SEMA5A: variants seen among roughly 807,000 people sequenced by gnomAD.
SEMA5A encodes semaphorin 5A, also known as semaphorin-5A.
Under a neutral mutation model 135.5 loss-of-function variants are expected in SEMA5A, and 55 were observed. That is an observed-to-expected ratio of 0.41 (90% CI 0.33 to 0.51). SEMA5A has a LOEUF of 0.51. SEMA5A is among the 20% of genes least tolerant of loss of function. The pLI is 0.37. For missense variants in SEMA5A, 1,290 were observed against 1,419.9 expected (o/e 0.91, Z 1.47); for synonymous variants, 580 against 546.5 (o/e 1.06, Z -0.85).
At chr5:9,046,643 C>T (rs1282747285) in intron 21 of SEMA5A, among the ~76,000 whole-genome samples, 1 of 152,192 alleles carries the variant, frequency 6.6e-6, no homozygotes, top group African/African-American at 2.4e-5. Context: ...CCATCAAGGC[C>T]TCACCTGTGA....
At chr5:9,134,541 CCACAAA>C (rs1174631759) in intron 13 of SEMA5A, among the ~76,000 whole-genome samples, 1 of 152,198 alleles carries the variant, frequency 6.6e-6, no homozygotes, top group Non-Finnish European at 1.5e-5. Context: ...GAACTCCAGC[CCACAAA>C]CACTAGAGCA....
chr5:9,051,934 G>A lies in SEMA5A; in HGVS notation c.2784C>T (p.Ser928=). The part of the protein sequence containing the change: ...RQCILLFPMG[S]QCSGNTTESR... The stretch of plus-strand genomic sequence containing the variant: ...TCTCCGTGGTGTTCCCGGAGCACTG[G>A]CTGCCCATGGGGAACAGGAGGATGC... The change falls in exon 20 of 23, where the codon AGC becomes AGT. Residue 928 remains serine (S), a synonymous_variant. Transcript: ENST00000382496. 1 of 1,614,156 alleles carries A rather than the reference G, an allele frequency of 6.2e-7. No homozygotes were observed. The highest frequency in any genetic ancestry group is 8.5e-7 in the Non-Finnish European group (1 of 1,180,040).
intron 12 of SEMA5A, among the ~76,000 whole-genome samples, chr5:9,144,247 A>G (rs1742211655): frequency 6.6e-6 from 1 of 152,198 alleles, no homozygotes; most frequent in African/African-American, 2.4e-5. Flanking sequence ...CTTATTTGCT[A>G]TATAACATGT....
chr5:9,530,548 A>G (rs992917853), intron 1 of SEMA5A, among the ~76,000 whole-genome samples: 2 of 152,220 alleles, frequency 1.3e-5, no homozygotes, highest in African/African-American at 4.8e-5. Flanking sequence ...TTTCAGGTTT[A>G]CATAAAAGGA....
chr5:9,286,313 C>T (rs1403421127), intron 5 of SEMA5A, among the ~76,000 whole-genome samples: 3 of 152,090 alleles, frequency 2.0e-5, no homozygotes, highest in African/African-American at 7.2e-5. Context: ...AACATAAAGG[C>T]AAATTTTCAA....
chr5:9,337,916 G>T, intron 3 of SEMA5A, 104 bp from the exon 4 acceptor site: 1 of 750,036 alleles, frequency 1.3e-6, no homozygotes, highest in Non-Finnish European at 2.1e-6. Context: ...TTTCAGAGAG[G>T]ATTCGGAGGT....
At chr5:9,047,087 C>G (rs1243087906) in intron 21 of SEMA5A, among the ~76,000 whole-genome samples, 1 of 152,194 alleles carries the variant, frequency 6.6e-6, no homozygotes, top group Non-Finnish European at 1.5e-5. Flanking sequence ...GGGACTTTAA[C>G]TGTAACAATG....
intron 11 of SEMA5A, among the ~76,000 whole-genome samples, chr5:9,155,672 T>C (rs1018768828): frequency 3.9e-5 from 6 of 152,242 alleles, no homozygotes; most frequent in South Asian, 2.1e-4. Context: ...ACACAGAAAA[T>C]GAGTTTAAGG....
intron 3 of SEMA5A, among the ~76,000 whole-genome samples, chr5:9,348,002 A>G (rs2150743488): frequency 6.6e-6 from 1 of 152,294 alleles, no homozygotes; most frequent in East Asian, 1.9e-4. Flanking sequence ...TTCAGGCCAT[A>G]CCACAAATAA....
intron 3 of SEMA5A, among the ~76,000 whole-genome samples, chr5:9,349,256 T>G (rs1475344020): frequency 6.6e-6 from 1 of 152,186 alleles, no homozygotes; most frequent in Non-Finnish European, 1.5e-5. Context: ...CCAGGAACTT[T>G]AGGGTTAAGC....
In SEMA5A at chr5:9,424,975, T is replaced by G. The variant is rs1230129549; in HGVS notation, c.-78+12781A>C. Among the ~76,000 whole-genome samples, 3 of 152,220 alleles carry G rather than the reference T, an allele frequency of 2.0e-5. No homozygotes were observed. In the East Asian group the frequency reaches 5.8e-4, roughly 29 times the overall value. Reference sequence around the variant, plus strand: ...GTGACCTTGATAATATAACCGACAATTTGGAAACGTAAATAACTCATATCC... The same window carrying G: ...GTGACCTTGATAATATAACCGACAAGTTGGAAACGTAAATAACTCATATCC... On this transcript the variant is annotated intron_variant, in intron 2 of 22. Coordinates refer to ENST00000382496, the MANE Select transcript of SEMA5A (RefSeq NM_003966.3).
At chr5:9,193,818 A>T (rs896499018) in intron 10 of SEMA5A, among the ~76,000 whole-genome samples, 1 of 152,082 alleles carries the variant, frequency 6.6e-6, no homozygotes, top group Admixed American at 6.5e-5. Flanking sequence ...AATTGCTTGA[A>T]CCCAGGAGGT....
chr5:9,091,910 A>T (rs1375719856), intron 16 of SEMA5A, among the ~76,000 whole-genome samples: 9 of 152,130 alleles, frequency 5.9e-5, no homozygotes, highest in Admixed American at 5.9e-4. Flanking sequence ...AGAAAACCCA[A>T]ATGATGGCAT....
chr5:9,544,565 T>G (rs1319222), intron 1 of SEMA5A, among the ~76,000 whole-genome samples: 50,269 of 151,626 alleles, frequency 0.33, 8,851 homozygotes, highest in Middle Eastern at 0.47. Flanking sequence ...TTCTGCTGTT[T>G]GTTGCCTGGG....
At chr5:9,181,736 A>G (rs1277024705) in intron 11 of SEMA5A, among the ~76,000 whole-genome samples, 1 of 152,010 alleles carries the variant, frequency 6.6e-6, no homozygotes, top group African/African-American at 2.4e-5. Flanking sequence ...GGAGATGGAG[A>G]GGGGGGACTA....
intron 5 of SEMA5A, among the ~76,000 whole-genome samples, chr5:9,258,072 G>GT (rs1320327992): frequency 2.0e-5 from 3 of 152,154 alleles, no homozygotes; most frequent in Non-Finnish European, 4.4e-5. Flanking sequence ...ATACTGAAAA[G>GT]TCGCTGAGAA....
At chr5:9,190,175 CTTGAAA>C in intron 11 of SEMA5A, 86 bp downstream of exon 11, 1 of 1,375,994 alleles carries the variant, frequency 7.3e-7, no homozygotes, top group Non-Finnish European at 1.0e-6. Flanking sequence ...AGGCGTAAAG[CTTGAAA>C]TTGAAATTGA....
chr5:9,086,258 C>T (rs771966703), intron 16 of SEMA5A, among the ~76,000 whole-genome samples: 3 of 152,092 alleles, frequency 2.0e-5, no homozygotes, highest in Non-Finnish European at 2.9e-5. Context: ...GAGGACATGA[C>T]ATTTGGGAGG....
In SEMA5A at chr5:9,063,047, A is replaced by G. The variant is rs543467112; in HGVS notation, c.2358T>C (p.Ala786=). 7.4e-6 allele frequency: 12 copies of G among 1,614,202 alleles called. No individual in the cohort carries two copies. The South Asian group carries it at 1.3e-4, about 18-fold the overall frequency. ...GRYSAHTVNG[A]WSAWTSWSQC... ...GTGACCACGACGTCCAGGCTGACCA[A>G]GCCCCGTTGACCGTGTGGGCAGAGT... Residue 786 remains alanine, a synonymous_variant, in exon 18 of 23, where the codon GCT becomes GCC. Coordinates refer to ENST00000382496, the MANE Select transcript of SEMA5A (RefSeq NM_003966.3).
Sources: gnomAD v4.1 joint callset for allele counts (sites outside exome capture counted in the v4.1 genomes callset) on GRCh38, gnomAD v4.1.1 for gene constraint, MANE v1.5 for transcripts, NCBI Gene and HGNC (gene_info 2026-07-23, HGNC 2026-07-21) for gene names.